RELN: variants seen among roughly 807,000 people sequenced by gnomAD.
RELN encodes reelin.
RELN carries 108 observed loss-of-function variants against 427.6 expected under a neutral mutation model. The observed-to-expected ratio is 0.25, with a 90% CI of 0.22 to 0.30. The LOEUF (loss-of-function observed/expected upper bound fraction) is 0.30. Ranked by LOEUF, RELN falls within the 10% of genes least tolerant of loss-of-function variation. The pLI, the probability that RELN is intolerant of heterozygous loss-of-function variation, is 1.00. For synonymous variants in RELN, 1,524 were observed against 1,513.4 expected (o/e 1.01, Z -0.16); for missense variants, 3,715 against 4,302.8 (o/e 0.86, Z 3.82).
At chr7:103,793,921 TAC>T (rs1230545664) in intron 3 of RELN, among the ~76,000 whole-genome samples, 6 of 151,938 alleles carry the variant, frequency 3.9e-5, no homozygotes, top group Non-Finnish European at 7.4e-5. Context: ...TGCACACCCA[TAC>T]GCCCGGCTAA....
intron 10 of RELN, among the ~76,000 whole-genome samples, chr7:103,696,695 C>G (rs1377987695): frequency 1.3e-5 from 2 of 152,122 alleles, no homozygotes; most frequent in African/African-American, 4.8e-5. Flanking sequence ...ATCTCTCACT[C>G]CTAATTCTGG....
chr7:103,649,137 T>C (rs748145154), intron 16 of RELN, among the ~76,000 whole-genome samples: 8 of 152,066 alleles, frequency 5.3e-5, no homozygotes, highest in Non-Finnish European at 8.8e-5. Flanking sequence ...CCTTTACTTG[T>C]ATGTTTATTG....
intron 3 of RELN, among the ~76,000 whole-genome samples, chr7:103,799,729 T>C (rs951604048): frequency 1.3e-5 from 2 of 152,188 alleles, no homozygotes; most frequent in African/African-American, 4.8e-5. Flanking sequence ...TTGTCACAGT[T>C]ATAATTAAGC....
intron 6 of RELN, among the ~76,000 whole-genome samples, chr7:103,733,251 C>T (rs1790401240): frequency 6.6e-6 from 1 of 151,512 alleles, no homozygotes; most frequent in South Asian, 2.1e-4. Flanking sequence ...TACCATCTCA[C>T]ACCAGTTAGA....
chr7:103,848,662 AC>A (rs1171182803), intron 2 of RELN, among the ~76,000 whole-genome samples: 1 of 152,114 alleles, frequency 6.6e-6, no homozygotes, highest in African/African-American at 2.4e-5. Context: ...ACACGCCTTC[AC>A]CCCAGAAAGG....
chr7:103,742,432 T>G (rs377241252), intron 6 of RELN, among the ~76,000 whole-genome samples: 2 of 152,062 alleles, frequency 1.3e-5, no homozygotes, highest in East Asian at 3.9e-4. Context: ...CTTTGACAAG[T>G]TGACAGAAGA....
chr7:103,727,387 T>C (rs1338037374), intron 7 of RELN, among the ~76,000 whole-genome samples: 3 of 152,090 alleles, frequency 2.0e-5, no homozygotes, highest in Non-Finnish European at 4.4e-5. Flanking sequence ...AACAATTGCT[T>C]TTATATTATT....
chr7:103,801,114 T>C (rs1490008944), intron 3 of RELN, among the ~76,000 whole-genome samples: 5 of 152,076 alleles, frequency 3.3e-5, no homozygotes, highest in East Asian at 1.9e-4. Context: ...GAAATAGGAA[T>C]GCTATTACAC....
chr7:103,819,211 CAA>C (rs1792956325), intron 3 of RELN, among the ~76,000 whole-genome samples: 1 of 151,848 alleles, frequency 6.6e-6, no homozygotes, highest in South Asian at 2.1e-4. Context: ...GTTTTACTGT[CAA>C]GTTTAAATAT....
At chr7:103,673,887 C>G (rs2115641933) in intron 11 of RELN, among the ~76,000 whole-genome samples, 1 of 151,960 alleles carries the variant, frequency 6.6e-6, no homozygotes, top group South Asian at 2.1e-4. Context: ...TTGCTAAACA[C>G]TTTCACTCAT....
chr7:103,503,891 T>C (rs1829117806), intron 51 of RELN, among the ~76,000 whole-genome samples: 1 of 129,174 alleles, frequency 7.7e-6, no homozygotes, highest in Non-Finnish European at 1.6e-5. Context: ...CAAATGTTCT[T>C]GTAAAAAAAA....
intron 2 of RELN, among the ~76,000 whole-genome samples, chr7:103,893,008 T>G (rs1349369777): frequency 6.6e-6 from 1 of 152,150 alleles, no homozygotes; most frequent in Non-Finnish European, 1.5e-5. Flanking sequence ...ACTGATCATG[T>G]AGAAAGGGTC....
chr7:103,934,907 T>C (rs1663364771), intron 1 of RELN, among the ~76,000 whole-genome samples: 1 of 152,184 alleles, frequency 6.6e-6, no homozygotes, highest in African/African-American at 2.4e-5. Flanking sequence ...GGAAGGGTCC[T>C]ACACAGGAGA....
intron 2 of RELN, among the ~76,000 whole-genome samples, chr7:103,872,055 TTTTTA>T (rs1472503106): frequency 6.8e-6 from 1 of 147,360 alleles, no homozygotes; most frequent in African/African-American, 2.5e-5. Flanking sequence ...TTTTTTTCTT[TTTTTA>T]TTTATTTATT....
intron 1 of RELN, among the ~76,000 whole-genome samples, chr7:103,939,490 C>T (rs10245871): frequency 0.26 from 39,404 of 151,992 alleles, 5,134 homozygotes; most frequent in Middle Eastern, 0.3. Context: ...ATGCATACCA[C>T]GCACATATGA....
intron 2 of RELN, among the ~76,000 whole-genome samples, chr7:103,851,248 C>T (rs2116463744): frequency 6.6e-6 from 1 of 152,290 alleles, no homozygotes; most frequent in African/African-American, 2.4e-5. Flanking sequence ...AAAAACCAAA[C>T]ATCGTATGTT....
At chr7:103,743,837 A>G (rs1293601142) in intron 6 of RELN, among the ~76,000 whole-genome samples, 2 of 152,018 alleles carry the variant, frequency 1.3e-5, no homozygotes, top group Admixed American at 6.6e-5. Flanking sequence ...CCCCACTGTC[A>G]ACATTAGACA....
Position 103,804,123 on chromosome 7 carries a change from AT to A in RELN, c.474-27497del, listed in dbSNP as rs773698996. 8.5e-5 allele frequency among the ~76,000 whole-genome samples: 13 copies of A among 152,176 alleles called. No individual in the cohort carries two copies. The East Asian group carries it at 1.7e-3, about 20-fold the overall frequency. Reference sequence around the variant, plus strand: ...CTTGCAGAGGGAAAAAATTCCTACCATTGCAATATTTTTAAATTATTCATAT... The same window carrying A: ...CTTGCAGAGGGAAAAAATTCCTACCATGCAATATTTTTAAATTATTCATAT... On this transcript the variant is annotated intron_variant, in intron 3 of 64. Transcript: ENST00000428762.
At chr7:103,759,297 G>T (rs10487170) in intron 4 of RELN, among the ~76,000 whole-genome samples, 2,345 of 152,088 alleles carry the variant, frequency 0.015, 72 homozygotes, top group African/African-American at 0.052. Flanking sequence ...TGATTACGTG[G>T]AACAGTCATG....
Sources: allele counts gnomAD v4.1 joint callset (sites outside exome capture counted in the v4.1 genomes callset), GRCh38; gene constraint gnomAD v4.1.1; transcripts MANE v1.5; gene names NCBI Gene and HGNC (gene_info 2026-07-23, HGNC 2026-07-21).